The following PCDHGB3 variants were observed in gnomAD, a reference collection of about 807,000 sequenced individuals.
PCDHGB3 encodes the protein protocadherin gamma-B3.
PCDHGB3 carries 40 observed loss-of-function variants against 59.2 expected under a neutral mutation model. The observed-to-expected ratio is 0.68, with a 90% CI of 0.52 to 0.88. The LOEUF is 0.88. Ranked by LOEUF, PCDHGB3 falls within the 40% of genes least tolerant of loss-of-function variation. PCDHGB3 has a pLI of 0.00. For missense variants in PCDHGB3, 1,309 were observed against 1,187.9 expected (o/e 1.10, Z -1.50); for synonymous variants, 581 against 503.6 (o/e 1.15, Z -2.06).
chr5:141,393,051 C>G, intron 1 of PCDHGB3: 1 of 1,613,622 alleles, frequency 6.2e-7, no homozygotes, highest in South Asian at 1.1e-5. Flanking sequence ...TCTGAACCCG[C>G]GCAGCGGCAG....
At chr5:141,376,005 G>A (rs1265900699) in intron 1 of PCDHGB3, 1 of 1,613,430 alleles carries the variant, frequency 6.2e-7, no homozygotes, top group Non-Finnish European at 8.5e-7. Flanking sequence ...CTCAAGCAGA[G>A]CCTAGTGGTG....
chr5:141,429,910 T>C (rs2097252047), intron 1 of PCDHGB3, among the ~76,000 whole-genome samples: 1 of 152,230 alleles, frequency 6.6e-6, no homozygotes, highest in East Asian at 1.9e-4. Context: ...TTTTGAAATA[T>C]AATGTATTAA....
chr5:141,409,552 A>G, intron 1 of PCDHGB3: 8 of 1,613,962 alleles, frequency 5.0e-6, no homozygotes, highest in Non-Finnish European at 6.8e-6. Flanking sequence ...ACAACGCCCC[A>G]GTTTTCGACC....
At chr5:141,399,581 A>G (rs375436846) in intron 1 of PCDHGB3, 20 of 1,613,788 alleles carry the variant, frequency 1.2e-5, no homozygotes, top group Non-Finnish European at 1.4e-5. Context: ...CAAGTCTCCT[A>G]CTCTATCATG....
intron 1 of PCDHGB3, chr5:141,374,167 A>G (rs1320540619): frequency 1.9e-6 from 3 of 1,613,124 alleles, no homozygotes; most frequent in Non-Finnish European, 2.5e-6. Flanking sequence ...GGGCCGCGGC[A>G]GCGCAGATCC....
rs376764580 is a variant in PCDHGB3 at position 141,400,568 on chromosome 5, T to C, written c.2415+27759T>C. On this transcript the variant is annotated intron_variant, in intron 1 of 3. Coordinates refer to ENST00000576222, the MANE Select transcript of PCDHGB3 (RefSeq NM_018924.5). ...TATTCTTTTTCATTACCCACCCAATTTTCTGTATTTACATGAAACTATCGT... is the reference window on the plus strand; with the variant it reads ...TATTCTTTTTCATTACCCACCCAATCTTCTGTATTTACATGAAACTATCGT... 46 of 1,612,870 alleles carry C rather than the reference T, an allele frequency of 2.9e-5. No homozygotes were observed. In the African/African-American group the frequency reaches 5.7e-4, roughly 20 times the overall value.
intron 1 of PCDHGB3, chr5:141,420,193 A>G: frequency 6.2e-7 from 1 of 1,613,766 alleles, no homozygotes; most frequent in South Asian, 1.1e-5. Context: ...CAGCCACACA[A>G]GATAACCTCA....
At position 141,431,245 on chromosome 5, in the gene PCDHGB3, C is replaced by A. The variant is rs761126985; in HGVS notation, c.2415+58436C>A. The A allele has an allele frequency of 5.0e-6, 8 of 1,614,016 alleles. No individual in the cohort carries two copies. In the Admixed American group the frequency reaches 1.2e-4, roughly 24 times the overall value. On this transcript the variant is annotated intron_variant, in intron 1 of 3. Coordinates refer to ENST00000576222, the MANE Select transcript of PCDHGB3 (RefSeq NM_018924.5). This position sits in a 1 kb window ranked among gnomAD's most constrained non-coding sequence, Gnocchi z 4.8. ...TACCCCACGCCTGGGATCCGGATAT[C>A]GGGAAGAACTCTCTGCAGAGCTACG... is the stretch of plus-strand genomic sequence containing the variant.
In PCDHGB3 at chr5:141,485,111, G is replaced by C. The variant is rs2099607127; in HGVS notation, c.2416-9696G>C. On this transcript the variant is annotated intron_variant, in intron 1 of 3. Coordinates refer to ENST00000576222, the MANE Select transcript of PCDHGB3 (RefSeq NM_018924.5). The surrounding 1 kb of genome is among the most constrained non-coding windows in gnomAD (Gnocchi z 5.7). The stretch of plus-strand genomic sequence containing the variant: ...ATAGGTGTCTCCAGCTGCTGTGGCT[G>C]TTTGGGGCGGGTCGGCTTCATCCGC... 5.4e-6 allele frequency: 7 copies of C among 1,287,562 alleles called. No individual in the cohort carries two copies. The highest frequency in any genetic ancestry group is 7.8e-6 in the Non-Finnish European group (7 of 899,436). 79.8% of individuals were successfully genotyped at this position (1,287,562 alleles called of 1,614,324 possible). A position where few individuals can be genotyped will look rare whatever the true frequency, so the allele number is the denominator to read the frequency against.
At chr5:141,462,335 A>G in intron 1 of PCDHGB3, among the ~76,000 whole-genome samples, 1 of 152,220 alleles carries the variant, frequency 6.6e-6, no homozygotes, top group East Asian at 1.9e-4. Context: ...ATTTAATTGT[A>G]TTGTGATCCA....
intron 2 of PCDHGB3, among the ~76,000 whole-genome samples, chr5:141,502,686 C>T (rs2099815631): frequency 6.6e-6 from 1 of 152,136 alleles, no homozygotes; most frequent in Admixed American, 6.5e-5. Flanking sequence ...CCCTGATGAT[C>T]CTTGCCTGTA....
At chr5:141,495,240 C>T (rs2099759761) in intron 2 of PCDHGB3, among the ~76,000 whole-genome samples, 1 of 152,182 alleles carries the variant, frequency 6.6e-6, no homozygotes, top group South Asian at 2.1e-4. Context: ...TCCATTATGA[C>T]CTGGGGCTCA....
intron 2 of PCDHGB3, among the ~76,000 whole-genome samples, chr5:141,501,838 G>C (rs888418141): frequency 6.6e-6 from 1 of 152,000 alleles, no homozygotes; most frequent in African/African-American, 2.4e-5. Flanking sequence ...CACCTGTTTG[G>C]CCCTCAACCT....
At chr5:141,397,920 T>A (rs2093586320) in intron 1 of PCDHGB3, 15 of 727,102 alleles carry the variant, frequency 2.1e-5, no homozygotes, top group Non-Finnish European at 3.3e-5. Flanking sequence ...CCAGATCTCC[T>A]CGCGCAGCCG....
At chr5:141,501,305 A>G (rs2099807563) in intron 2 of PCDHGB3, among the ~76,000 whole-genome samples, 1 of 151,322 alleles carries the variant, frequency 6.6e-6, no homozygotes, top group African/African-American at 2.4e-5. Flanking sequence ...ACACACACAC[A>G]CACACACACA....
At chr5:141,409,700 G>C (rs1561722120) in intron 1 of PCDHGB3, 4 of 1,613,280 alleles carry the variant, frequency 2.5e-6, no homozygotes, top group Non-Finnish European at 3.4e-6. Context: ...AGAGCCCCTG[G>C]CGGTGTCGTC....
intron 1 of PCDHGB3, chr5:141,395,121 T>G (rs773964445): frequency 1.2e-6 from 2 of 1,614,192 alleles, no homozygotes; most frequent in Admixed American, 3.3e-5. Context: ...TCACCTGATC[T>G]TTCCCCAGCC....
intron 1 of PCDHGB3, chr5:141,423,222 G>A (rs760308436): frequency 1.2e-6 from 2 of 1,613,688 alleles, no homozygotes; most frequent in Non-Finnish European, 1.7e-6. Context: ...CCGTGGCTGT[G>A]GCCGACAGCA....
intron 1 of PCDHGB3, chr5:141,409,819 G>A (rs781534809): frequency 1.2e-6 from 2 of 1,610,356 alleles, no homozygotes; most frequent in African/African-American, 2.7e-5. Context: ...ACCACGGCTC[G>A]CCCACGCTCA....
Sources: allele counts gnomAD v4.1 joint callset (sites outside exome capture counted in the v4.1 genomes callset), GRCh38; gene constraint gnomAD v4.1.1; non-coding constraint Gnocchi (gnomAD v3.1); transcripts MANE v1.5; gene names NCBI Gene and HGNC (gene_info 2026-07-23, HGNC 2026-07-21).